The following GCNT1 variants were observed in gnomAD, a reference collection of about 807,000 sequenced individuals.
GCNT1 encodes the protein beta-1,3-galactosyl-O-glycosyl-glycoprotein beta-1,6-N-acetylglucosaminyltransferase.
A neutral mutation model predicts 26.2 loss-of-function variants in GCNT1; 16 were observed. That is an observed-to-expected ratio of 0.61 (90% CI 0.41 to 0.93). GCNT1 has a LOEUF of 0.93. GCNT1 is among the 40% of genes least tolerant of loss of function. GCNT1 has a pLI of 0.00. For missense variants in GCNT1, 477 were observed against 526.7 expected, an observed-to-expected ratio of 0.91 and a Z score of 0.92; for synonymous variants, 183 against 190.8, an observed-to-expected ratio of 0.96 and a Z score of 0.34.
rs766979831 is a variant in GCNT1, at chr9:76,503,208, C to A, written c.827C>A (p.Pro276His). ...LTNTGTVKML[P>H]PLETPLFSGS... ...AACACAGGGACTGTCAAAATGCTTC[C>A]TCCACTCGAAACACCTCTCTTTTCT... The change falls in exon 4 of 4, where the codon CCT becomes CAT. Residue 276 changes from proline to histidine, a missense_variant. Pro to His is a moderately conservative substitution (Grantham distance 77). Transcript: ENST00000376730. The A allele has an allele frequency of 1.9e-6, 3 of 1,614,110 alleles. No individual in the cohort carries two copies. Among genetic ancestry groups the A allele is most frequent in the Non-Finnish European group, 2.5e-6 (3 of 1,179,984 alleles).
At chr9:76,413,653 G>GTTTTTTTTTTTTTGT in the GCNT1 span, among the ~76,000 whole-genome samples, 6 of 118,662 alleles carry the variant, frequency 5.1e-5, no homozygotes, top group Non-Finnish European at 7.0e-5. Flanking sequence ...GTTTTGTTTT[G>GTTTTTTTTTTTTTGT]TTTTTTTTTT....
intron 2 of GCNT1, among the ~76,000 whole-genome samples, chr9:76,467,307 G>T (rs1369589922): frequency 6.6e-6 from 1 of 152,192 alleles, no homozygotes; most frequent in Non-Finnish European, 1.5e-5. Flanking sequence ...CTCCCAAAGT[G>T]CTGGGATTAC....
chr9:76,493,054 C>T (rs1824791601), intron 2 of GCNT1, among the ~76,000 whole-genome samples: 1 of 152,124 alleles, frequency 6.6e-6, no homozygotes, highest in Non-Finnish European at 1.5e-5. Flanking sequence ...AGTATATTTT[C>T]TTAAGGCCTC....
intron 1 of GCNT1, among the ~76,000 whole-genome samples, chr9:76,443,894 A>AAAGAAAGG (rs1195027651): frequency 3.7e-4 from 47 of 127,384 alleles, no homozygotes; most frequent in African/African-American, 1.2e-3. Context: ...AGAAAGAAAG[A>AAAGAAAGG]AAGAAAGGAA....
chr9:76,416,453 T>G (rs1177285663), upstream of GCNT1, among the ~76,000 whole-genome samples: 1 of 152,208 alleles, frequency 6.6e-6, no homozygotes, highest in Non-Finnish European at 1.5e-5. Context: ...AGTTAACACT[T>G]AGCCATCCAT....
intron 2 of GCNT1, among the ~76,000 whole-genome samples, chr9:76,481,823 T>C (rs1323212579): frequency 6.6e-6 from 1 of 152,202 alleles, no homozygotes; most frequent in East Asian, 1.9e-4. Context: ...TTATGACCTA[T>C]ATTAAGCAGT....
At chr9:76,487,445 G>A (rs1246250805) in intron 2 of GCNT1, among the ~76,000 whole-genome samples, 1 of 152,234 alleles carries the variant, frequency 6.6e-6, no homozygotes, top group Admixed American at 6.5e-5. Flanking sequence ...CATGCTTCCT[G>A]CTGCCGAAGG....
intron 2 of GCNT1, among the ~76,000 whole-genome samples, chr9:76,482,380 G>C (rs1824445089): frequency 6.6e-6 from 1 of 151,962 alleles, no homozygotes. Flanking sequence ...CCAGCACTTT[G>C]GGAGGCTGAG....
chr9:76,499,289 G>T (rs549681283), intron 2 of GCNT1, among the ~76,000 whole-genome samples: 1 of 151,866 alleles, frequency 6.6e-6, no homozygotes, highest in Non-Finnish European at 1.5e-5. Context: ...CACTACGCCC[G>T]GCTAATTTTT....
At chr9:76,420,693 G>T (rs62568690) in intron 1 of GCNT1, 51,185 of 152,104 alleles carry the variant, frequency 0.34, 9,173 homozygotes, top group Middle Eastern at 0.4. Context: ...CAGCACTTTG[G>T]GAGGCGGAGC....
At chr9:76,466,085 T>C (rs1478364357) in intron 2 of GCNT1, among the ~76,000 whole-genome samples, 1 of 152,078 alleles carries the variant, frequency 6.6e-6, no homozygotes, top group Non-Finnish European at 1.5e-5. Context: ...TATTACTGCA[T>C]AAAAAGCACT....
intron 2 of GCNT1, among the ~76,000 whole-genome samples, chr9:76,496,415 C>T (rs1009949194): frequency 2.0e-5 from 3 of 152,216 alleles, no homozygotes; most frequent in African/African-American, 7.2e-5. Flanking sequence ...CTGTTCTTTC[C>T]CGCCTGTCAG....
At chr9:76,454,725 C>T (rs1043541734), upstream of GCNT1, among the ~76,000 whole-genome samples, 4 of 151,982 alleles carry the variant, frequency 2.6e-5, no homozygotes, top group African/African-American at 9.7e-5. Context: ...CTCTTGCTTG[C>T]TCTCTCTCAT....
At chr9:76,461,018 C>T (rs1823860217) in intron 2 of GCNT1, among the ~76,000 whole-genome samples, 1 of 152,204 alleles carries the variant, frequency 6.6e-6, no homozygotes, top group African/African-American at 2.4e-5. Context: ...AAACGTTTTT[C>T]CCTAAAACTG....
At chr9:76,435,183 C>A (rs1823390961) in intron 1 of GCNT1, among the ~76,000 whole-genome samples, 1 of 152,166 alleles carries the variant, frequency 6.6e-6, no homozygotes, top group Admixed American at 6.5e-5. Context: ...CCTGTTCATA[C>A]AGCCCCTCCC....
intron 2 of GCNT1, among the ~76,000 whole-genome samples, chr9:76,463,451 C>G (rs542603452): frequency 3.9e-5 from 6 of 152,340 alleles, no homozygotes; most frequent in African/African-American, 7.2e-5. Flanking sequence ...ACTGCTGCCA[C>G]TAGGCACCTG....
intron 1 of GCNT1, among the ~76,000 whole-genome samples, chr9:76,435,206 C>T (rs1339365589): frequency 1.3e-5 from 2 of 152,088 alleles, no homozygotes; most frequent in African/African-American, 2.4e-5. Context: ...TTTAAAATCC[C>T]TAATGAAAAT....
At chr9:76,449,204 G>A (rs1823624391) in intron 1 of GCNT1, among the ~76,000 whole-genome samples, 1 of 151,770 alleles carries the variant, frequency 6.6e-6, no homozygotes, top group African/African-American at 2.4e-5. Flanking sequence ...GGGGTAGTGT[G>A]TACCTGTAGT....
intron 1 of GCNT1, among the ~76,000 whole-genome samples, chr9:76,421,358 C>T (rs1055644707): frequency 6.6e-6 from 1 of 151,862 alleles, no homozygotes. Flanking sequence ...CTAGCATTTT[C>T]GGAGGCCAAG....
Sources: allele counts gnomAD v4.1 joint callset (sites outside exome capture counted in the v4.1 genomes callset), GRCh38; gene constraint gnomAD v4.1.1; transcripts MANE v1.5; gene names NCBI Gene and HGNC (gene_info 2026-07-23, HGNC 2026-07-21).